The following CFAP65 variants were observed in gnomAD, a reference collection of about 807,000 sequenced individuals.
CFAP65 encodes the protein cilia and flagella associated protein 65.
CFAP65 carries 155 observed loss-of-function variants against 208.0 expected under a neutral mutation model. The ratio of observed to expected loss-of-function variants is 0.75; its 90% CI spans 0.65 to 0.85. The LOEUF (loss-of-function observed/expected upper bound fraction) is 0.85, where lower values mean the gene tolerates loss of function less well. Ranked by LOEUF, CFAP65 falls within the 40% of genes least tolerant of loss-of-function variation. The pLI, the probability that CFAP65 is intolerant of heterozygous loss-of-function variation, is 0.00. For synonymous variants in CFAP65, 970 were observed against 986.3 expected, an observed-to-expected ratio of 0.98 and a Z score of 0.31; for missense variants, 2,294 against 2,451.3, an observed-to-expected ratio of 0.94 and a Z score of 1.36.
chr2:219,037,318 G>A (rs1032608294), intron 4 of CFAP65, among the ~76,000 whole-genome samples: 7 of 152,238 alleles, frequency 4.6e-5, no homozygotes, highest in African/African-American at 1.4e-4. Flanking sequence ...CTTAAACCCC[G>A]GAGGCGGAGG....
chr2:219,030,943 A>C, intron 8 of CFAP65, 109 bp from the exon 9 acceptor site: 1 of 1,469,864 alleles, frequency 6.8e-7, no homozygotes, highest in Admixed American at 2.3e-5. Flanking sequence ...TTAGCCTGTA[A>C]CATCATGGAA....
chr2:219,037,524 C>T (rs1057020861), intron 4 of CFAP65, among the ~76,000 whole-genome samples: 3 of 152,216 alleles, frequency 2.0e-5, no homozygotes, highest in African/African-American at 7.2e-5. Flanking sequence ...GGGGTCAATA[C>T]AGCCTTGAGG....
chr2:219,041,382 G>A, intron 1 of CFAP65, 106 bp downstream of exon 1: 1 of 1,268,538 alleles, frequency 7.9e-7, no homozygotes, highest in Non-Finnish European at 1.1e-6. Flanking sequence ...GGGACCTCTG[G>A]CCACGATTTC....
Position 219,009,375 on chromosome 2 carries a change from C to T in CFAP65, c.4538G>A (p.Ser1513Asn). 6.2e-7 allele frequency: 1 copy of T among 1,612,658 alleles called. No individual in the cohort carries two copies. ...VVTLRASVHASFYSADLVCKL... is the reference protein window; with the variant it reads ...VVTLRASVHANFYSADLVCKL... The stretch of plus-strand genomic sequence containing the variant: ...GCATACCAGGTCTGCACTGTAGAAG[C>T]TGGCATGCACAGAGGCCCTCAAGGT... The change falls in exon 28 of 35, where the codon AGC becomes AAC. Residue 1513 changes from serine to asparagine, a missense_variant. Physicochemically the swap from Ser to Asn is conservative, Grantham distance 46 (BLOSUM62 1). This residue lies in a region of CFAP65 where 1,427 missense variants were observed against 1,438.7 expected (regional missense o/e 0.99). Coordinates refer to ENST00000341552, the MANE Select transcript of CFAP65 (RefSeq NM_194302.4).
rs561908843 is a variant in CFAP65, at chr2:219,024,452, C to G, written c.2350-192G>C. ...GCTGACACCAAAGAATGCTTTTGTT[C>G]TCCAGAGACCTCCAGAAAGGGGCGG... is the stretch of plus-strand genomic sequence containing the variant. On this transcript the variant is annotated intron_variant, in intron 14 of 34. Coordinates refer to ENST00000341552, the MANE Select transcript of CFAP65 (RefSeq NM_194302.4). Among the ~76,000 whole-genome samples, 48 of 123,700 alleles carry G rather than the reference C, an allele frequency of 3.9e-4. 1 individual carries two copies. Among genetic ancestry groups the G allele is most frequent in the Non-Finnish European group, 2.8e-4 (18 of 64,638 alleles). 81.2% of individuals were successfully genotyped at this position (123,700 alleles called of 152,430 possible). A position where few individuals can be genotyped will look rare whatever the true frequency, so the allele number is the denominator to read the frequency against.
rs1948051439 is a variant in CFAP65 at position 219,031,691 on chromosome 2, C to T, written c.646-33G>A. ...GTGAGGCGGGGCAGGGGCAGTCACC[C>T]ATCAGTGGCATTCAGGGACTGCACA... On this transcript the variant is annotated intron_variant, in intron 6 of 34. Transcript: ENST00000341552. The surrounding 1 kb of genome is among the most constrained non-coding windows in gnomAD (Gnocchi z 5.2). 1 of 1,567,510 alleles carries T rather than the reference C, an allele frequency of 6.4e-7. No homozygotes were observed. Among genetic ancestry groups the T allele is most frequent in the East Asian group, 2.2e-5 (1 of 44,462 alleles).
At chr2:219,025,971 GA>G (rs202017156) in intron 14 of CFAP65, 50 bp downstream of exon 14, 58,021 of 1,600,560 alleles carry the variant, frequency 0.036, 1,755 homozygotes, top group African/African-American at 0.15. Context: ...GGCCAAGGCA[GA>G]AGCTAGGGCT....
Position 219,024,051 on chromosome 2 carries a change from G to A in CFAP65, c.2559C>T (p.Phe853=), listed in dbSNP as rs745731205. 3.7e-6 allele frequency: 6 copies of A among 1,614,022 alleles called. No individual in the cohort carries two copies. The Admixed American group carries it at 5.0e-5, about 13-fold the overall frequency. Residue 853 remains phenylalanine, a synonymous_variant, in exon 15 of 35, where the codon TTC becomes TTT. Coordinates refer to ENST00000341552, the MANE Select transcript of CFAP65 (RefSeq NM_194302.4). Reference sequence around the variant, plus strand: ...GGGGGGAAGCATTGCACTGCAGATAGAAAGTGTGCTGCTTCCAGGAGCTGC... The same window carrying A: ...GGGGGGAAGCATTGCACTGCAGATAAAAAGTGTGCTGCTTCCAGGAGCTGC... ...PEGSSWKQHT[F]YLQCNASPQY... is the part of the protein sequence containing the mutation.
In CFAP65 at chr2:219,029,280, A is replaced by T. The variant is rs915347707; in HGVS notation, c.1650+123T>A. The T allele has an allele frequency of 3.4e-5, 44 of 1,277,800 alleles. No homozygotes were observed. In the Admixed American group the frequency reaches 9.0e-4, roughly 26 times the overall value. 79.2% of individuals were successfully genotyped at this position (1,277,800 alleles called of 1,614,324 possible). A position where few individuals can be genotyped will look rare whatever the true frequency, so the allele number is the denominator to read the frequency against. ...CAGGGCTGGGGCCCAGGAGTGGGAG[A>T]CCACCAGGCAGACAGCCCTAGAAGT... On this transcript the variant is annotated intron_variant, in intron 11 of 34. Transcript: ENST00000341552.
rs992833467 is a variant in CFAP65 at position 219,031,404 on chromosome 2, G to A, written c.815+85C>T. 42 of 1,608,254 alleles carry A rather than the reference G, an allele frequency of 2.6e-5. No individual in the cohort carries two copies. The African/African-American group carries it at 4.0e-4, about 15-fold the overall frequency. ...GCAGAACCTCAGACTACCCTACCCCGACAAGGGTATGCCTGTCTCTCCTGC... is the reference window on the plus strand; with the variant it reads ...GCAGAACCTCAGACTACCCTACCCCAACAAGGGTATGCCTGTCTCTCCTGC... On this transcript the variant is annotated intron_variant, in intron 7 of 34. Coordinates refer to ENST00000341552, the MANE Select transcript of CFAP65 (RefSeq NM_194302.4). This position sits in a 1 kb window ranked among gnomAD's most constrained non-coding sequence, Gnocchi z 5.2.
At chr2:219,033,867 T>G (rs1948198897) in intron 5 of CFAP65, 1 of 152,018 alleles carries the variant, frequency 6.6e-6, no homozygotes, top group Non-Finnish European at 1.5e-5. Context: ...AATGTGTGCA[T>G]GAAAAAACAA....
intron 16 of CFAP65, 21 bp from the exon 17 acceptor site, chr2:219,022,350 C>A: frequency 6.3e-7 from 1 of 1,578,966 alleles, no homozygotes; most frequent in Non-Finnish European, 8.6e-7. Context: ...AGAAATGATC[C>A]CTGCAGTGGC....
Position 219,023,509 on chromosome 2 carries a change from T to C in CFAP65, c.2596-78A>G, listed in dbSNP as rs543634106. 14 of 1,081,042 alleles carry C rather than the reference T, an allele frequency of 1.3e-5. No individual in the cohort carries two copies. The East Asian group carries it at 2.6e-4, about 20-fold the overall frequency. 67.0% of individuals were successfully genotyped at this position (1,081,042 alleles called of 1,614,324 possible). Reference sequence around the variant, plus strand: ...CCCCCACAACATGTCCAGGAAGCCATGGCTAGGCAGCTTTCCCCACTTGAA... The same window carrying C: ...CCCCCACAACATGTCCAGGAAGCCACGGCTAGGCAGCTTTCCCCACTTGAA... On this transcript the variant is annotated intron_variant, in intron 15 of 34. Transcript: ENST00000341552.
Position 219,006,104 on chromosome 2 carries a change from G to A in CFAP65, c.4839C>T (p.Cys1613=). The change falls in exon 31 of 35, where the codon TGC becomes TGT. Residue 1613 remains cysteine (C), a synonymous_variant. Coordinates refer to ENST00000341552, the MANE Select transcript of CFAP65 (RefSeq NM_194302.4). The stretch of plus-strand genomic sequence containing the variant: ...CATGGGCTCGGGCAGTAAGGCCCAG[G>A]CAGAGCATGCCTGGCGAGGGTGGCT... ...CPQPPSPGML[C]LGLTARAHAT... 2 of 1,613,642 alleles carry A rather than the reference G, an allele frequency of 1.2e-6. No individual in the cohort carries two copies. Among genetic ancestry groups the A allele is most frequent in the Non-Finnish European group, 1.7e-6 (2 of 1,179,998 alleles).
chr2:219,017,078 C>G (rs1946942583), intron 21 of CFAP65, among the ~76,000 whole-genome samples: 2 of 152,232 alleles, frequency 1.3e-5, no homozygotes, highest in African/African-American at 4.8e-5. Flanking sequence ...TATGACCCCG[C>G]AACAGGAGGC....
intron 4 of CFAP65, among the ~76,000 whole-genome samples, chr2:219,038,164 T>G (rs1948471055): frequency 6.6e-6 from 1 of 152,232 alleles, no homozygotes; most frequent in Admixed American, 6.5e-5. Context: ...AGTTTCAATA[T>G]TTACTGAGTG....
intron 15 of CFAP65, 34 bp from the exon 16 acceptor site, chr2:219,023,465 C>G: frequency 6.9e-7 from 1 of 1,457,700 alleles, no homozygotes; most frequent in Non-Finnish European, 9.4e-7. Flanking sequence ...GTGCCCTGAC[C>G]TCACTCTGCA....
chr2:219,019,708 C>A lies in CFAP65; in HGVS notation c.3271G>T (p.Gly1091Trp), dbSNP rs765013975. 1 of 1,613,162 alleles carries A rather than the reference C, an allele frequency of 6.2e-7. No individual in the cohort carries two copies. The highest frequency in any genetic ancestry group is 8.5e-7 in the Non-Finnish European group (1 of 1,179,970). Residue 1091 changes from glycine to tryptophan, a missense_variant, in exon 20 of 35, where the codon GGG (glycine) becomes TGG (tryptophan). Physicochemically the swap from Gly to Trp is radical, Grantham distance 184. Transcript: ENST00000341552. ...SLLSHRDNKA[G>W]EKQELCCVSL... Reference sequence around the variant, plus strand: ...ACGCAGCACAGCTCCTGCTTCTCCCCAGCCTTGTTATCTGGGGAGGGGGGT... The same window carrying A: ...ACGCAGCACAGCTCCTGCTTCTCCCAAGCCTTGTTATCTGGGGAGGGGGGT...
chr2:219,021,144 C>A lies in CFAP65; in HGVS notation c.3259+8G>T. ...GCCCCGACTCTCTATGCCAGGCAGT[C>A]TAGGTACCTCTGTGGGAAAGGAGAG... On this transcript the variant is annotated splice_region_variant and intron_variant, in intron 19 of 34. Coordinates refer to ENST00000341552, the MANE Select transcript of CFAP65 (RefSeq NM_194302.4). 1 of 1,542,390 alleles carries A rather than the reference C, an allele frequency of 6.5e-7. No homozygotes were observed. Among genetic ancestry groups the A allele is most frequent in the East Asian group, 2.4e-5 (1 of 42,146 alleles).
Sources: allele counts gnomAD v4.1 joint callset (sites outside exome capture counted in the v4.1 genomes callset), GRCh38; gene constraint gnomAD v4.1.1; regional missense constraint gnomAD v4.1.1; non-coding constraint Gnocchi (gnomAD v3.1); transcripts MANE v1.5; gene names NCBI Gene and HGNC (gene_info 2026-07-23, HGNC 2026-07-21).